RNF24: variants seen among roughly 807,000 people sequenced by gnomAD.
RNF24 encodes the protein ring finger protein 24.
Under a neutral mutation model 20.0 loss-of-function variants are expected in RNF24, and 14 were observed. The ratio of observed to expected loss-of-function variants is 0.70; its 90% CI spans 0.46 to 1.10. The LOEUF (loss-of-function observed/expected upper bound fraction) is 1.10, where lower values mean the gene tolerates loss of function less well. Among genes scored for constraint, RNF24 ranks in the 50% least tolerant of loss-of-function variants. The probability of loss-of-function intolerance (pLI) is 0.00; values close to 1 mark genes in which losing one functional copy is unlikely to be tolerated. For missense variants in RNF24, 124 were observed against 177.6 expected (o/e 0.70, Z 1.71); for synonymous variants, 45 against 61.1 (o/e 0.74, Z 1.23).
At chr20:4,007,766 A>G (rs1449980302) in intron 1 of RNF24, among the ~76,000 whole-genome samples, 1 of 151,102 alleles carries the variant, frequency 6.6e-6, no homozygotes, top group African/African-American at 2.4e-5. Flanking sequence ...AAGAAAAAAA[A>G]TTAGCCTGGC....
At chr20:3,984,918 C>T (rs6052213) in intron 1 of RNF24, among the ~76,000 whole-genome samples, 2,637 of 151,978 alleles carry the variant, frequency 0.017, 66 homozygotes, top group African/African-American at 0.059. Context: ...TAAGTAACTC[C>T]GAAACCTCTC....
At chr20:4,005,349 A>G (rs543419417) in intron 1 of RNF24, among the ~76,000 whole-genome samples, 5 of 151,254 alleles carry the variant, frequency 3.3e-5, no homozygotes, top group Non-Finnish European at 1.5e-5. Context: ...GTGATTTAAG[A>G]AAAAAAAAAT....
chr20:3,936,083 C>T (rs1349649830), intron 4 of RNF24, among the ~76,000 whole-genome samples: 1 of 152,224 alleles, frequency 6.6e-6, no homozygotes, highest in African/African-American at 2.4e-5. Context: ...GATTATGTAA[C>T]ATGATCCAGG....
At chr20:3,939,882 T>A (rs562568674) in intron 4 of RNF24, among the ~76,000 whole-genome samples, 20 of 152,202 alleles carry the variant, frequency 1.3e-4, no homozygotes, top group Non-Finnish European at 2.2e-4. Context: ...CGTTTTATAG[T>A]TTTCAGCATA....
chr20:3,975,475 A>G (rs1166354453), intron 1 of RNF24, among the ~76,000 whole-genome samples: 1 of 152,174 alleles, frequency 6.6e-6, no homozygotes, highest in Non-Finnish European at 1.5e-5. Flanking sequence ...GAAGCTAAAG[A>G]CTAGGAAAAA....
chr20:3,990,819 C>A (rs914809450), intron 1 of RNF24, among the ~76,000 whole-genome samples: 1 of 151,910 alleles, frequency 6.6e-6, no homozygotes, highest in Non-Finnish European at 1.5e-5. Context: ...GAGACTACAG[C>A]AAGCTATGAT....
Position 3,927,794 on chromosome 20 carries a change from G to C in RNF24, c.*6269C>G, listed in dbSNP as rs924038403. ...ATGCAGATCCACCAGGCTTGGGACT[G>C]GCAAAGGGAGCTGAGAAGAGAGTTC... On this transcript the variant is annotated 3_prime_UTR_variant, in exon 6 of 6. Transcript: ENST00000358395. 1 of 152,292 alleles carries C rather than the reference G, an allele frequency of 6.6e-6. No homozygotes were observed. Among genetic ancestry groups the C allele is most frequent in the African/African-American group, 2.4e-5 (1 of 41,466 alleles). 9.4% of individuals were successfully genotyped at this position (152,292 alleles called of 1,614,324 possible). A position where few individuals can be genotyped will look rare whatever the true frequency, so the allele number is the denominator to read the frequency against.
In RNF24 at chr20:3,934,038, G is replaced by A. The variant is rs972204622; in HGVS notation, c.*25C>T. 7 of 1,432,864 alleles carry A rather than the reference G, an allele frequency of 4.9e-6. No homozygotes were observed. The highest frequency in any genetic ancestry group is 6.4e-6 in the Non-Finnish European group (7 of 1,088,926). 88.8% of individuals were successfully genotyped at this position (1,432,864 alleles called of 1,614,324 possible). A position where few individuals can be genotyped will look rare whatever the true frequency, so the allele number is the denominator to read the frequency against. On this transcript the variant is annotated 3_prime_UTR_variant, in exon 6 of 6. Transcript: ENST00000358395. The surrounding 1 kb of genome is among the most constrained non-coding windows in gnomAD (Gnocchi z 4.0). ...TGGCTCCACACAGACGTCGTGTCCA[G>A]CAACAGTCTGATCCTTGCGGTAAGC...
At position 3,933,011 on chromosome 20, in the gene RNF24, G is replaced by T; in HGVS notation, c.*1052C>A. 1 of 340,812 alleles carries T rather than the reference G, an allele frequency of 2.9e-6. No individual in the cohort carries two copies. The allele number at this position is 340,812 out of a possible 1,614,324, so 21.1% of individuals were successfully genotyped here. A position where few individuals can be genotyped will look rare whatever the true frequency, so the allele number is the denominator to read the frequency against. On this transcript the variant is annotated 3_prime_UTR_variant, in exon 6 of 6. Coordinates refer to ENST00000358395, the MANE Select transcript of RNF24 (RefSeq NM_001134337.3). ...AATTCCAAGTGGATCACCAGCTTCA[G>T]AATTACACAGGGATCTTATTTGGGA...
intron 1 of RNF24, among the ~76,000 whole-genome samples, chr20:4,012,416 C>CA (rs1168128221): frequency 0.022 from 2,412 of 111,920 alleles, 30 homozygotes; most frequent in African/African-American, 0.039. Flanking sequence ...GACTCCATCT[C>CA]AAAAAAAAAA....
chr20:3,953,198 C>G (rs2091101579), intron 2 of RNF24, among the ~76,000 whole-genome samples: 1 of 152,032 alleles, frequency 6.6e-6, no homozygotes, highest in Admixed American at 6.5e-5. Flanking sequence ...TGTCACCCAG[C>G]GTGGAGTGCA....
chr20:3,954,695 G>C (rs1333350558), intron 2 of RNF24, among the ~76,000 whole-genome samples: 1 of 151,980 alleles, frequency 6.6e-6, no homozygotes, highest in Non-Finnish European at 1.5e-5. Flanking sequence ...ATGAGGTCAG[G>C]AGTTCAAGTC....
At chr20:3,957,557 G>A (rs912516202) in intron 2 of RNF24, among the ~76,000 whole-genome samples, 9 of 151,844 alleles carry the variant, frequency 5.9e-5, no homozygotes, top group African/African-American at 2.2e-4. Context: ...CATTTTGCTT[G>A]TTTGAATCTT....
chr20:3,971,135 C>T (rs1177114641), intron 1 of RNF24, among the ~76,000 whole-genome samples: 1 of 151,968 alleles, frequency 6.6e-6, no homozygotes, highest in East Asian at 1.9e-4. Context: ...TTGAAAGCAA[C>T]TAAGGAGATA....
rs1365027113 is a variant in RNF24, at chr20:3,927,675, A to G, written c.*6388T>C. On this transcript the variant is annotated 3_prime_UTR_variant, in exon 6 of 6. Transcript: ENST00000358395. ...CTCTAGGAAGACCAGCTGTCACCAG[A>G]AGGGAGTTCCTAACACTTGCCACAC... 6.6e-6 allele frequency: 1 copy of G among 152,186 alleles called. No individual in the cohort carries two copies. Among genetic ancestry groups the G allele is most frequent in the East Asian group, 1.9e-4 (1 of 5,196 alleles). 9.4% of individuals were successfully genotyped at this position (152,186 alleles called of 1,614,324 possible).
intron 4 of RNF24, among the ~76,000 whole-genome samples, chr20:3,938,840 G>A (rs902466413): frequency 6.6e-6 from 1 of 151,980 alleles, no homozygotes; most frequent in African/African-American, 2.4e-5. Context: ...CTGATCTCAA[G>A]CAATCCTCCA....
intron 1 of RNF24, among the ~76,000 whole-genome samples, chr20:4,011,242 C>T (rs1271171917): frequency 6.6e-6 from 1 of 152,168 alleles, no homozygotes; most frequent in Non-Finnish European, 1.5e-5. Context: ...AATTTTCAAT[C>T]CAGATTTTAA....
At chr20:3,965,061 A>T (rs950615998) in intron 1 of RNF24, among the ~76,000 whole-genome samples, 2 of 152,212 alleles carry the variant, frequency 1.3e-5, no homozygotes, top group African/African-American at 2.4e-5. Flanking sequence ...TGATTACTAC[A>T]GTTAAAATTC....
chr20:3,983,959 A>C (rs1357867140), intron 1 of RNF24, among the ~76,000 whole-genome samples: 1 of 151,366 alleles, frequency 6.6e-6, no homozygotes, highest in Non-Finnish European at 1.5e-5. Context: ...AAAAAAAAAA[A>C]AAAAAACAAG....
Sources: allele counts gnomAD v4.1 joint callset (sites outside exome capture counted in the v4.1 genomes callset), GRCh38; gene constraint gnomAD v4.1.1; non-coding constraint Gnocchi (gnomAD v3.1); transcripts MANE v1.5; gene names NCBI Gene and HGNC (gene_info 2026-07-23, HGNC 2026-07-21).